Variants in FOXJ3 observed in about 807,000 individuals in gnomAD.
The protein encoded by FOXJ3 is forkhead box J3, also known as forkhead box protein J3.
Under a neutral mutation model 76.1 loss-of-function variants are expected in FOXJ3, and 22 were observed. The observed-to-expected ratio is 0.29, with a 90% CI of 0.21 to 0.41. FOXJ3 has a LOEUF of 0.41. Ranked by LOEUF, FOXJ3 falls within the 10% of genes least tolerant of loss-of-function variation. FOXJ3 has a pLI of 1.00. For synonymous variants in FOXJ3, 269 were observed against 261.2 expected (o/e 1.03, Z -0.29); for missense variants, 613 against 762.1 (o/e 0.80, Z 2.30).
intron 3 of FOXJ3, among the ~76,000 whole-genome samples, chr1:42,277,776 G>A (rs553091347): frequency 1.6e-5 from 1 of 60,952 alleles, no homozygotes; most frequent in African/African-American, 5.9e-5. Context: ...CAGCCTGGGC[G>A]ACAGAGCGAG....
chr1:42,209,765 A>G (rs1479893170), intron 5 of FOXJ3, among the ~76,000 whole-genome samples: 1 of 152,142 alleles, frequency 6.6e-6, no homozygotes, highest in Non-Finnish European at 1.5e-5. Context: ...TCCTAATCCT[A>G]TCTCAGGGAA....
chr1:42,330,623 G>A (rs1244962945), intron 1 of FOXJ3, among the ~76,000 whole-genome samples: 1 of 152,098 alleles, frequency 6.6e-6, no homozygotes, highest in Non-Finnish European at 1.5e-5. Context: ...GGGCAAGAGT[G>A]AGACCCTGTC....
At chr1:42,320,858 G>C (rs1195228509) in intron 1 of FOXJ3, among the ~76,000 whole-genome samples, 1 of 152,148 alleles carries the variant, frequency 6.6e-6, no homozygotes, top group Non-Finnish European at 1.5e-5. Flanking sequence ...GTTATATTTA[G>C]AAAACCAAGA....
chr1:42,235,335 G>A (rs533354305), intron 4 of FOXJ3, among the ~76,000 whole-genome samples: 1 of 152,178 alleles, frequency 6.6e-6, no homozygotes, highest in Non-Finnish European at 1.5e-5. Context: ...GGAATTCCCT[G>A]ACCCCTTGCG....
intron 2 of FOXJ3, among the ~76,000 whole-genome samples, chr1:42,279,336 G>A (rs907293820): frequency 1.3e-5 from 2 of 152,162 alleles, no homozygotes; most frequent in Non-Finnish European, 2.9e-5. Flanking sequence ...AATTAAATTA[G>A]GCAGTACCAG....
At chr1:42,208,472 T>G (rs1175663368) in intron 5 of FOXJ3, among the ~76,000 whole-genome samples, 1 of 152,176 alleles carries the variant, frequency 6.6e-6, no homozygotes, top group Non-Finnish European at 1.5e-5. Context: ...TTAAAAAGCA[T>G]TTGACAAAAT....
chr1:42,291,480 A>C (rs1326205312), intron 2 of FOXJ3, among the ~76,000 whole-genome samples: 1 of 152,210 alleles, frequency 6.6e-6, no homozygotes, highest in African/African-American at 2.4e-5. Flanking sequence ...AACCATTTGC[A>C]AAGCATATAT....
In FOXJ3 at chr1:42,307,557, G is replaced by A. The variant is rs115861533; in HGVS notation, c.44+3493C>T. ...AAGTATTATCTCTGTTCAAATACTGGTATGGTTTCAGCCTCCCTAGAGAAC... is the reference window on the plus strand; with the variant it reads ...AAGTATTATCTCTGTTCAAATACTGATATGGTTTCAGCCTCCCTAGAGAAC... On this transcript the variant is annotated intron_variant, in intron 2 of 12. Coordinates refer to ENST00000361346, the MANE Select transcript of FOXJ3 (RefSeq NM_014947.5). Among the ~76,000 whole-genome samples, 931 of 152,222 alleles carry A rather than the reference G, an allele frequency of 6.1e-3. 8 individuals are homozygous for A. Among genetic ancestry groups the A allele is most frequent in the Non-Finnish European group, 0.01 (689 of 68,018 alleles).
At chr1:42,289,230 A>T (rs1280612506) in intron 2 of FOXJ3, among the ~76,000 whole-genome samples, 2 of 151,572 alleles carry the variant, frequency 1.3e-5, no homozygotes, top group African/African-American at 4.8e-5. Context: ...AATATATATA[A>T]TTATGTATGT....
chr1:42,279,217 G>A (rs1020150553), intron 2 of FOXJ3, among the ~76,000 whole-genome samples: 2 of 152,144 alleles, frequency 1.3e-5, no homozygotes, highest in African/African-American at 2.4e-5. Context: ...GCAGGTAGGC[G>A]GTAGGAAGAG....
chr1:42,266,714 T>G (rs11210612), intron 3 of FOXJ3, among the ~76,000 whole-genome samples: 3,560 of 152,140 alleles, frequency 0.023, 142 homozygotes, highest in African/African-American at 0.082. Flanking sequence ...CCTAGTGGCA[T>G]AAACAGGAAG....
At chr1:42,251,952 C>T (rs1415513277) in intron 4 of FOXJ3, among the ~76,000 whole-genome samples, 53 of 152,136 alleles carry the variant, frequency 3.5e-4, no homozygotes, top group African/African-American at 1.2e-3. Context: ...CTCCTGACCT[C>T]GTGATCCGCC....
intron 5 of FOXJ3, among the ~76,000 whole-genome samples, chr1:42,217,383 G>A (rs1368524942): frequency 1.3e-5 from 2 of 152,050 alleles, no homozygotes; most frequent in Non-Finnish European, 2.9e-5. Flanking sequence ...ACAAAACTTC[G>A]CTGGGCGTGG....
chr1:42,288,234 A>C (rs1183820505), intron 2 of FOXJ3, among the ~76,000 whole-genome samples: 1 of 152,204 alleles, frequency 6.6e-6, no homozygotes, highest in Non-Finnish European at 1.5e-5. Flanking sequence ...CTTTCGCATA[A>C]GAAGATTCAA....
intron 5 of FOXJ3, among the ~76,000 whole-genome samples, chr1:42,224,514 G>A (rs182704806): frequency 2.0e-5 from 3 of 152,078 alleles, no homozygotes; most frequent in South Asian, 2.1e-4. Context: ...TTAGTTGGGC[G>A]TGGTGGTGAA....
rs188375985 is a variant in FOXJ3 at position 42,252,248 on chromosome 1, G to A, written c.444+12867C>T. 2.6e-5 allele frequency among the ~76,000 whole-genome samples: 4 copies of A among 152,180 alleles called. 1 individual carries two copies. The highest frequency in any genetic ancestry group is 9.6e-5 in the African/African-American group (4 of 41,528). ...GTAGAATTTGGCTGTGAATCCATCT[G>A]GTCCTGGACTCTTTTTGGTTGGTAA... On this transcript the variant is annotated intron_variant, in intron 4 of 12. Coordinates refer to ENST00000361346, the MANE Select transcript of FOXJ3 (RefSeq NM_014947.5).
intron 2 of FOXJ3, among the ~76,000 whole-genome samples, chr1:42,280,039 A>G (rs1017046495): frequency 1.3e-5 from 2 of 152,170 alleles, no homozygotes; most frequent in African/African-American, 4.8e-5. Flanking sequence ...TATAAGCTGT[A>G]GAACTGTGAA....
chr1:42,280,636 G>A (rs115416843), intron 2 of FOXJ3, among the ~76,000 whole-genome samples: 447 of 152,064 alleles, frequency 2.9e-3, no homozygotes, highest in Non-Finnish European at 4.5e-3. Flanking sequence ...AAAAACTGCA[G>A]TTAAAGCTCA....
intron 1 of FOXJ3, among the ~76,000 whole-genome samples, chr1:42,314,747 CA>C (rs1390542383): frequency 6.6e-6 from 1 of 152,162 alleles, no homozygotes; most frequent in East Asian, 1.9e-4. Flanking sequence ...TTATCAAAAA[CA>C]AAGGCAACTC....
Sources: gnomAD v4.1 joint callset for allele counts (sites outside exome capture counted in the v4.1 genomes callset) on GRCh38, gnomAD v4.1.1 for gene constraint, MANE v1.5 for transcripts, NCBI Gene and HGNC (gene_info 2026-07-23, HGNC 2026-07-21) for gene names.